The following SLC36A1 variants were observed in gnomAD, a reference collection of about 807,000 sequenced individuals.
The protein encoded by SLC36A1 is proton-coupled amino acid transporter 1.
Under a neutral mutation model 47.5 loss-of-function variants are expected in SLC36A1, and 30 were observed. That is an observed-to-expected ratio of 0.63 (90% confidence interval 0.47 to 0.86). The LOEUF (loss-of-function observed/expected upper bound fraction) is 0.86. Ranked by LOEUF, SLC36A1 falls within the 40% of genes least tolerant of loss-of-function variation. The pLI, the probability that SLC36A1 is intolerant of heterozygous loss-of-function variation, is 0.00. For missense variants in SLC36A1, 517 were observed against 606.0 expected (o/e 0.85, Z 1.54); for synonymous variants, 255 against 249.7 (o/e 1.02, Z -0.20).
the SLC36A1 span, among the ~76,000 whole-genome samples, chr5:151,499,610 G>T: frequency 6.6e-6 from 1 of 152,110 alleles, no homozygotes; most frequent in Admixed American, 6.5e-5. Flanking sequence ...CTTTTTGAGG[G>T]TTCTAGCCCA....
the SLC36A1 span, chr5:151,550,776 C>T: frequency 6.2e-7 from 1 of 1,614,052 alleles, no homozygotes; most frequent in East Asian, 2.2e-5. Context: ...GGAGCTCTAC[C>T]CCTGGCACGG....
At chr5:151,352,486 C>G in the SLC36A1 span, among the ~76,000 whole-genome samples, 1 of 152,168 alleles carries the variant, frequency 6.6e-6, no homozygotes, top group African/African-American at 2.4e-5. Context: ...TATGGCTGCT[C>G]TAACAAATTG....
chr5:151,376,825 G>A, the SLC36A1 span, among the ~76,000 whole-genome samples: 1 of 152,014 alleles, frequency 6.6e-6, no homozygotes, highest in East Asian at 1.9e-4. Flanking sequence ...TAAAGATGGG[G>A]TTTCATCATA....
chr5:151,532,465 G>GTA, the SLC36A1 span, among the ~76,000 whole-genome samples: 1 of 152,084 alleles, frequency 6.6e-6, no homozygotes, highest in African/African-American at 2.4e-5. Context: ...TAGCAAGGCT[G>GTA]TAGTCTAGTT....
chr5:151,525,866 TC>T, the SLC36A1 span: 6 of 1,613,952 alleles, frequency 3.7e-6, no homozygotes, highest in African/African-American at 8.0e-5. Context: ...GAGCCGTTGT[TC>T]CCCTTGGTGA....
intron 7 of SLC36A1, among the ~76,000 whole-genome samples, chr5:151,470,662 G>A (rs1351163856): frequency 1.3e-5 from 2 of 152,152 alleles, no homozygotes; most frequent in Non-Finnish European, 2.9e-5. Flanking sequence ...CTCCCTTTAG[G>A]TCATTTTTGT....
chr5:151,510,230 C>A, the SLC36A1 span: 5 of 1,584,666 alleles, frequency 3.2e-6, no homozygotes, highest in African/African-American at 1.3e-5. Context: ...TTAAAGGAGA[C>A]CTGGCATTGG....
At chr5:151,409,426 A>C in the SLC36A1 span, among the ~76,000 whole-genome samples, 26 of 152,228 alleles carry the variant, frequency 1.7e-4, no homozygotes, top group Non-Finnish European at 2.9e-4. Context: ...CAAAAAGAAG[A>C]AACAGTGGCA....
chr5:151,439,887 T>C (rs1179880573), intron 1 of SLC36A1, among the ~76,000 whole-genome samples: 2 of 152,200 alleles, frequency 1.3e-5, no homozygotes, highest in Non-Finnish European at 2.9e-5. Context: ...TTTGGTCTTC[T>C]TTATAGGAAT....
At chr5:151,435,595 C>A (rs1759725310), upstream of SLC36A1, among the ~76,000 whole-genome samples, 1 of 152,030 alleles carries the variant, frequency 6.6e-6, no homozygotes, top group African/African-American at 2.4e-5. Context: ...ATATTTTCTG[C>A]AGTGACTAAA....
chr5:151,546,164 T>C, the SLC36A1 span: 1 of 1,614,216 alleles, frequency 6.2e-7, no homozygotes, highest in Non-Finnish European at 8.5e-7. Flanking sequence ...GGGGCACTCC[T>C]ATCTGAGGGA....
the SLC36A1 span, among the ~76,000 whole-genome samples, chr5:151,535,293 C>A: frequency 6.6e-6 from 1 of 151,960 alleles, no homozygotes; most frequent in African/African-American, 2.4e-5. Flanking sequence ...TCTCTTTGAC[C>A]TTCTCCTGCT....
chr5:151,521,759 T>G, the SLC36A1 span: 1 of 1,614,022 alleles, frequency 6.2e-7, no homozygotes, highest in African/African-American at 1.3e-5. Context: ...ACCCCAGCAG[T>G]CGTGGTGAAG....
chr5:151,523,631 A>G, the SLC36A1 span, among the ~76,000 whole-genome samples: 120,541 of 152,156 alleles, frequency 0.79, 48,292 homozygotes, highest in East Asian at 0.96. Context: ...TCTAGGCAGG[A>G]CGTGTGCCTG....
At chr5:151,416,214 A>G in the SLC36A1 span, among the ~76,000 whole-genome samples, 1 of 152,184 alleles carries the variant, frequency 6.6e-6, no homozygotes, top group Non-Finnish European at 1.5e-5. Flanking sequence ...AAACCATCTC[A>G]GGCATCCCAG....
chr5:151,534,970 A>AATATATATATAT, the SLC36A1 span, among the ~76,000 whole-genome samples: 1,039 of 106,342 alleles, frequency 9.8e-3, 28 homozygotes, highest in African/African-American at 0.022. Context: ...CTTCTAGGAA[A>AATATATATATAT]ATATATATAT....
chr5:151,408,706 A>G, the SLC36A1 span, among the ~76,000 whole-genome samples: 51 of 152,334 alleles, frequency 3.3e-4, no homozygotes, highest in East Asian at 8.9e-3. Context: ...ATCCAGCCCT[A>G]TCTCTGCTTC....
chr5:151,487,808 A>G (rs1021834360), intron 10 of SLC36A1, among the ~76,000 whole-genome samples, 175 bp from the exon 11 acceptor site: 17 of 152,214 alleles, frequency 1.1e-4, no homozygotes, highest in African/African-American at 2.2e-4. Flanking sequence ...GTGGGACGCC[A>G]GTTATTCCAT....
At chr5:151,496,398 A>G (rs1760342960), downstream of SLC36A1, among the ~76,000 whole-genome samples, 1 of 152,162 alleles carries the variant, frequency 6.6e-6, no homozygotes, top group South Asian at 2.1e-4. Context: ...CAGCGCGAAA[A>G]CAGACTAGTA....
Sources: allele counts gnomAD v4.1 joint callset (sites outside exome capture counted in the v4.1 genomes callset), GRCh38; gene constraint gnomAD v4.1.1; transcripts MANE v1.5; gene names NCBI Gene and HGNC (gene_info 2026-07-23, HGNC 2026-07-21).